Variants in ZNF469 observed in about 807,000 individuals in gnomAD.
The protein encoded by ZNF469 is zinc finger protein 469.
ZNF469 carries 1 observed loss-of-function variant against 1.0 expected under a neutral mutation model. The ratio of observed to expected loss-of-function variants is 1.00; its 90% confidence interval spans 0.35 to 4.73. ZNF469 has a LOEUF of 4.73. ZNF469 is among the 30% of genes most tolerant of loss of function. ZNF469 has a pLI of 0.16. For synonymous variants in ZNF469, 2,703 were observed against 2,363.4 expected (o/e 1.14, Z -4.17); for missense variants, 6,100 against 5,356.3 (o/e 1.14, Z -4.33).
At chr16:88,380,434 CAT>C (rs1458470673), upstream of ZNF469, among the ~76,000 whole-genome samples, 5 of 146,872 alleles carry the variant, frequency 3.4e-5, no homozygotes, top group Admixed American at 7.0e-5. Flanking sequence ...TGCATTCACA[CAT>C]ACACAGTCAC....
chr16:88,319,384 C>G, the ZNF469 span, among the ~76,000 whole-genome samples: 3 of 152,160 alleles, frequency 2.0e-5, no homozygotes. Flanking sequence ...GGCGGAGCCA[C>G]ACAGGAGGTG....
the ZNF469 span, among the ~76,000 whole-genome samples, chr16:88,118,565 G>A: frequency 2.0e-5 from 3 of 152,190 alleles, no homozygotes; most frequent in Non-Finnish European, 4.4e-5. Flanking sequence ...GGGTGATGGC[G>A]CGCAGGGGTC....
the ZNF469 span, among the ~76,000 whole-genome samples, chr16:88,299,276 C>T: frequency 6.8e-6 from 1 of 146,508 alleles, no homozygotes; most frequent in Non-Finnish European, 1.5e-5. Context: ...AGGCAGCTTG[C>T]AGCAGGCGAG....
chr16:88,110,240 C>A, the ZNF469 span, among the ~76,000 whole-genome samples: 5 of 152,242 alleles, frequency 3.3e-5, no homozygotes, highest in African/African-American at 1.2e-4. Context: ...TGAGTTCAGA[C>A]CCCCGGGGGG....
chr16:88,251,934 G>A, the ZNF469 span, among the ~76,000 whole-genome samples: 2 of 151,094 alleles, frequency 1.3e-5, no homozygotes, highest in African/African-American at 2.4e-5. Flanking sequence ...CCTGTGCAAC[G>A]GGGCAGGCAG....
the ZNF469 span, among the ~76,000 whole-genome samples, chr16:88,369,867 C>T: frequency 6.6e-6 from 1 of 152,248 alleles, no homozygotes; most frequent in Admixed American, 6.5e-5. Context: ...CAATCCGTCC[C>T]CACCGCGCCC....
intron 1 of ZNF469, among the ~76,000 whole-genome samples, chr16:88,393,597 G>A (rs994387211): frequency 6.6e-6 from 1 of 152,168 alleles, no homozygotes; most frequent in Non-Finnish European, 1.5e-5. Context: ...CCCCAGTGCC[G>A]AGCTGCCCGG....
At chr16:88,105,681 T>C in the ZNF469 span, among the ~76,000 whole-genome samples, 18 of 152,172 alleles carry the variant, frequency 1.2e-4, no homozygotes, top group African/African-American at 2.7e-4. Flanking sequence ...ATAAGCATAA[T>C]TGGGAACGGA....
At chr16:88,169,141 G>A in the ZNF469 span, among the ~76,000 whole-genome samples, 1 of 152,196 alleles carries the variant, frequency 6.6e-6, no homozygotes, top group African/African-American at 2.4e-5. This position sits in a 1 kb window ranked among gnomAD's most constrained non-coding sequence, Gnocchi z 6.1. Context: ...GGGTGGGGTT[G>A]AGGACAGGGC....
chr16:88,206,709 C>T, the ZNF469 span, among the ~76,000 whole-genome samples: 1 of 151,166 alleles, frequency 6.6e-6, no homozygotes. Flanking sequence ...TTGGAGGGAA[C>T]AGACCAGTTT....
the ZNF469 span, among the ~76,000 whole-genome samples, chr16:88,107,189 C>T: frequency 6.6e-6 from 1 of 152,158 alleles, no homozygotes; most frequent in Non-Finnish European, 1.5e-5. Context: ...AAAACCTGTG[C>T]TTGATGCCTG....
At chr16:88,246,264 C>A in the ZNF469 span, among the ~76,000 whole-genome samples, 1 of 152,250 alleles carries the variant, frequency 6.6e-6, no homozygotes, top group Non-Finnish European at 1.5e-5. Context: ...ATTTATTCAT[C>A]CCTTCTGTAT....
chr16:88,420,769 C>A (rs922717791), intron 1 of ZNF469, among the ~76,000 whole-genome samples: 14 of 152,238 alleles, frequency 9.2e-5, no homozygotes, highest in African/African-American at 3.4e-4. Context: ...TCTGACCACA[C>A]CCTGTGAGGT....
the ZNF469 span, among the ~76,000 whole-genome samples, chr16:88,113,211 G>C: frequency 6.6e-6 from 1 of 152,178 alleles, no homozygotes; most frequent in Non-Finnish European, 1.5e-5. Context: ...GTGTTTTCTT[G>C]TAGTAGTTTC....
the ZNF469 span, among the ~76,000 whole-genome samples, chr16:88,298,666 C>T: frequency 2.2e-4 from 33 of 152,202 alleles, no homozygotes; most frequent in Admixed American, 7.2e-4. Flanking sequence ...CCCTGGGACA[C>T]GGAGGGAGGC....
intron 1 of ZNF469, among the ~76,000 whole-genome samples, chr16:88,416,090 G>A (rs1230682218): frequency 6.6e-6 from 1 of 152,228 alleles, no homozygotes; most frequent in Non-Finnish European, 1.5e-5. Context: ...ACAGCAGCGG[G>A]AGAGTAATTA....
chr16:88,290,730 T>G, the ZNF469 span, among the ~76,000 whole-genome samples: 1 of 152,218 alleles, frequency 6.6e-6, no homozygotes, highest in African/African-American at 2.4e-5. Context: ...AATTTTGTGG[T>G]CACCACAGTG....
chr16:88,247,418 A>T, the ZNF469 span, among the ~76,000 whole-genome samples: 1 of 146,282 alleles, frequency 6.8e-6, no homozygotes, highest in Non-Finnish European at 1.5e-5. Context: ...GTGAGTGAAT[A>T]AGTGAATGAA....
At chr16:88,293,230 GTGGATGAA>G in the ZNF469 span, among the ~76,000 whole-genome samples, 2 of 151,596 alleles carry the variant, frequency 1.3e-5, no homozygotes, top group Non-Finnish European at 1.5e-5. Flanking sequence ...AGGTAGATGG[GTGGATGAA>G]TGGATGAATG....
Sources: allele counts gnomAD v4.1 joint callset (sites outside exome capture counted in the v4.1 genomes callset), GRCh38; gene constraint gnomAD v4.1.1; non-coding constraint Gnocchi (gnomAD v3.1); transcripts MANE v1.5; gene names NCBI Gene and HGNC (gene_info 2026-07-23, HGNC 2026-07-21).